R3HCC1L: variants seen among roughly 807,000 people sequenced by gnomAD.
The protein encoded by R3HCC1L is R3H domain and coiled-coil containing 1 like, also known as coiled-coil domain-containing protein R3HCC1L.
R3HCC1L carries 51 observed loss-of-function variants against 59.9 expected under a neutral mutation model. The observed-to-expected ratio is 0.85, with a 90% CI of 0.68 to 1.07. The LOEUF (loss-of-function observed/expected upper bound fraction) is 1.07. R3HCC1L is among the 50% of genes least tolerant of loss of function. The pLI is 0.00. For synonymous variants in R3HCC1L, 322 were observed against 315.2 expected (o/e 1.02, Z -0.23); for missense variants, 965 against 933.0 (o/e 1.03, Z -0.45).
At chr10:98,203,510 C>T (rs1019750368) in intron 4 of R3HCC1L, among the ~76,000 whole-genome samples, 2 of 152,178 alleles carry the variant, frequency 1.3e-5, no homozygotes, top group Non-Finnish European at 2.9e-5. Context: ...ATAGTATGCT[C>T]ATTAGGCAGT....
At chr10:98,223,895 G>A (rs1157155960) in intron 5 of R3HCC1L, among the ~76,000 whole-genome samples, 2 of 152,056 alleles carry the variant, frequency 1.3e-5, no homozygotes, top group African/African-American at 4.8e-5. Context: ...CTGGGTGAGC[G>A]TATGGGTCCT....
At chr10:98,152,201 A>G (rs1322332053) in intron 1 of R3HCC1L, among the ~76,000 whole-genome samples, 4 of 152,240 alleles carry the variant, frequency 2.6e-5, no homozygotes, top group Non-Finnish European at 5.9e-5. Flanking sequence ...GTGGTCCGCC[A>G]GCCTCGGCCT....
At chr10:98,227,151 T>C (rs1855758130) in intron 5 of R3HCC1L, among the ~76,000 whole-genome samples, 1 of 152,236 alleles carries the variant, frequency 6.6e-6, no homozygotes, top group South Asian at 2.1e-4. Flanking sequence ...TTTACTTTAC[T>C]GAATACTTAT....
At chr10:98,146,073 T>TA (rs771445097) in intron 1 of R3HCC1L, among the ~76,000 whole-genome samples, 1 of 152,218 alleles carries the variant, frequency 6.6e-6, no homozygotes, top group Non-Finnish European at 1.5e-5. Context: ...TGGCAGTTTC[T>TA]AAAAATTAAT....
chr10:98,139,871 T>C (rs563222658), intron 1 of R3HCC1L, among the ~76,000 whole-genome samples: 3 of 151,818 alleles, frequency 2.0e-5, no homozygotes, highest in African/African-American at 7.3e-5. Flanking sequence ...ATGCCAGATA[T>C]AGCTGGATTG....
At chr10:98,192,224 A>G (rs909258208) in intron 4 of R3HCC1L, among the ~76,000 whole-genome samples, 3 of 152,138 alleles carry the variant, frequency 2.0e-5, no homozygotes, top group Admixed American at 6.6e-5. Context: ...AAATTGGAAA[A>G]ACTGGCTTAG....
At chr10:98,211,276 C>A in intron 5 of R3HCC1L, 1 of 1,347,166 alleles carries the variant, frequency 7.4e-7, no homozygotes, top group Non-Finnish European at 1.0e-6. Flanking sequence ...ATTATTTAGC[C>A]CAGCAAACTG....
At chr10:98,213,871 A>G (rs1419911846) in intron 5 of R3HCC1L, among the ~76,000 whole-genome samples, 1 of 152,118 alleles carries the variant, frequency 6.6e-6, no homozygotes, top group African/African-American at 2.4e-5. Context: ...TGACTGCCTA[A>G]GTGGGGATTT....
At chr10:98,182,638 C>A (rs931937965) in intron 4 of R3HCC1L, among the ~76,000 whole-genome samples, 3 of 152,164 alleles carry the variant, frequency 2.0e-5, no homozygotes, top group Non-Finnish European at 4.4e-5. Context: ...TGCCCTGCCC[C>A]CAGAGGTGGA....
At chr10:98,192,928 A>G (rs1851014598) in intron 4 of R3HCC1L, among the ~76,000 whole-genome samples, 1 of 152,182 alleles carries the variant, frequency 6.6e-6, no homozygotes, top group Non-Finnish European at 1.5e-5. Context: ...AGGATCTTAC[A>G]CCATGACCAA....
At position 98,208,487 on chromosome 10, in the gene R3HCC1L, G is replaced by A. The variant is rs781208585; in HGVS notation, c.373G>A (p.Ala125Thr). The change falls in exon 5 of 10, where the codon GCC (alanine) becomes ACC (threonine). Residue 125 changes from alanine to threonine, a missense_variant. By Grantham distance (58) the Ala-to-Thr change is moderately conservative. Coordinates refer to ENST00000298999, the MANE Select transcript of R3HCC1L (RefSeq NM_001351015.2). ...EVLSQGQQQG[A>T]PNAGVITNAP... ...ATTATCCCAAGGACAACAGCAGGGA[G>A]CCCCAAATGCTGGGGTTATAACTAA... is the stretch of plus-strand genomic sequence containing the variant. The A allele has an allele frequency of 2.5e-6, 4 of 1,614,176 alleles. No individual in the cohort carries two copies. Among genetic ancestry groups the A allele is most frequent in the Non-Finnish European group, 3.4e-6 (4 of 1,180,006 alleles).
rs754075058 is a variant in R3HCC1L, at chr10:98,209,192, C to T, written c.1078C>T (p.His360Tyr). The T allele has an allele frequency of 1.9e-6, 3 of 1,613,746 alleles. No individual in the cohort carries two copies. Among genetic ancestry groups the T allele is most frequent in the Non-Finnish European group, 2.5e-6 (3 of 1,179,924 alleles). The part of the protein sequence containing the change: ...PDTAVLAHET[H>Y]RDSGFKNVGD... ...TACAGCTGTCCTTGCTCATGAAACA[C>T]ATAGAGATAGTGGATTTAAGAATGT... The change falls in exon 5 of 10, where the codon CAT becomes TAT. Residue 360 changes from histidine to tyrosine, a missense_variant. By Grantham distance (83) the His-to-Tyr change is moderately conservative. Transcript: ENST00000298999.
At chr10:98,198,215 C>T (rs191578339) in intron 4 of R3HCC1L, among the ~76,000 whole-genome samples, 39 of 151,938 alleles carry the variant, frequency 2.6e-4, no homozygotes, top group Non-Finnish European at 4.9e-4. Flanking sequence ...AAGAGGATGG[C>T]TAGAATTTAA....
intron 5 of R3HCC1L, chr10:98,211,242 C>T: frequency 9.7e-7 from 1 of 1,029,524 alleles, no homozygotes; most frequent in Non-Finnish European, 1.4e-6. Context: ...ATGAGTATCA[C>T]CTAGGAACTT....
At chr10:98,145,956 AAAAG>A (rs896663321) in intron 1 of R3HCC1L, among the ~76,000 whole-genome samples, 2 of 152,126 alleles carry the variant, frequency 1.3e-5, no homozygotes, top group African/African-American at 4.8e-5. Flanking sequence ...CTCAAAAAAA[AAAAG>A]AAAACCATTT....
chr10:98,151,368 T>A (rs888445390), intron 1 of R3HCC1L, among the ~76,000 whole-genome samples: 3 of 152,180 alleles, frequency 2.0e-5, no homozygotes, highest in Admixed American at 2.0e-4. Flanking sequence ...TCCTCATTTG[T>A]AAAATGGAGG....
rs558314629 is a variant in R3HCC1L, at chr10:98,175,118, A to G, written c.-15+11721A>G. ...CAATGAAGTTTTAAGTAATGACTGC[A>G]GAATTAAATTGGGAAAGACTATGGC... On this transcript the variant is annotated intron_variant, in intron 4 of 9. Transcript: ENST00000298999. Among the ~76,000 whole-genome samples, 3 of 152,290 alleles carry G rather than the reference A, an allele frequency of 2.0e-5. No homozygotes were observed. The East Asian group carries it at 5.8e-4, about 29-fold the overall frequency.
intron 4 of R3HCC1L, among the ~76,000 whole-genome samples, chr10:98,178,871 T>C (rs995348306): frequency 3.4e-4 from 52 of 152,318 alleles, no homozygotes; most frequent in African/African-American, 1.2e-3. Context: ...GTTTGTCTGT[T>C]ATTGGTGTGT....
At chr10:98,231,763 T>C in intron 6 of R3HCC1L, 76 bp downstream of exon 6, 2 of 1,380,720 alleles carry the variant, frequency 1.4e-6, no homozygotes, top group Non-Finnish European at 2.0e-6. Context: ...AGAAATCATC[T>C]CTTGTTTTTT....
Sources: gnomAD v4.1 joint callset for allele counts (sites outside exome capture counted in the v4.1 genomes callset) on GRCh38, gnomAD v4.1.1 for gene constraint, MANE v1.5 for transcripts, NCBI Gene and HGNC (gene_info 2026-07-23, HGNC 2026-07-21) for gene names.